Variants in GNA12 observed in about 807,000 individuals in gnomAD.
GNA12 encodes the protein guanine nucleotide-binding protein subunit alpha-12.
Under a neutral mutation model 26.0 loss-of-function variants are expected in GNA12, and 9 were observed. That is an observed-to-expected ratio of 0.35 (90% CI 0.21 to 0.60). The LOEUF (loss-of-function observed/expected upper bound fraction) is 0.60, where lower values mean the gene tolerates loss of function less well. Ranked by LOEUF, GNA12 falls within the 20% of genes least tolerant of loss-of-function variation. The pLI is 0.78. For synonymous variants in GNA12, 264 were observed against 219.6 expected (o/e 1.20, Z -1.79); for missense variants, 405 against 525.8 (o/e 0.77, Z 2.25).
chr7:2,807,455 T>C (rs891905015), intron 1 of GNA12, among the ~76,000 whole-genome samples: 1 of 152,066 alleles, frequency 6.6e-6, no homozygotes, highest in African/African-American at 2.4e-5. Flanking sequence ...ATTTAAAACA[T>C]TTAGCCTGAG....
Position 2,730,345 on chromosome 7 carries a change from AG to A in GNA12, c.*835del, listed in dbSNP as rs1789823441. 6.6e-6 allele frequency: 1 copy of A among 152,346 alleles called. No individual in the cohort carries two copies. The highest frequency in any genetic ancestry group is 2.1e-4 in the South Asian group (1 of 4,828). The allele number at this position is 152,346 out of a possible 1,614,324, so 9.4% of individuals were successfully genotyped here. A position where few individuals can be genotyped will look rare whatever the true frequency, so the allele number is the denominator to read the frequency against. On this transcript the variant is annotated 3_prime_UTR_variant, in exon 4 of 4. Coordinates refer to ENST00000275364, the MANE Select transcript of GNA12 (RefSeq NM_007353.3). ...CGTTGGGTTGGGCAGTGGGTGGCTA[AG>A]GGGAGAAGAGCACCGCTGTGTGTGC...
At chr7:2,757,946 A>G (rs540316984) in intron 2 of GNA12, among the ~76,000 whole-genome samples, 13 of 152,330 alleles carry the variant, frequency 8.5e-5, no homozygotes, top group East Asian at 1.9e-4. Flanking sequence ...AGCAATAATA[A>G]GGAATGATTC....
At chr7:2,789,494 G>T (rs2115448926) in intron 2 of GNA12, among the ~76,000 whole-genome samples, 1 of 152,320 alleles carries the variant, frequency 6.6e-6, no homozygotes, top group Middle Eastern at 3.4e-3. Context: ...ACTCAGATCT[G>T]TGATTTACTG....
At chr7:2,828,457 G>A (rs983526365) in intron 1 of GNA12, among the ~76,000 whole-genome samples, 1 of 152,176 alleles carries the variant, frequency 6.6e-6, no homozygotes, top group African/African-American at 2.4e-5. Context: ...GTGCTCAAGC[G>A]ATCCTCCTGC....
At chr7:2,792,158 G>A (rs139396713) in intron 2 of GNA12, among the ~76,000 whole-genome samples, 67 of 152,316 alleles carry the variant, frequency 4.4e-4, no homozygotes, top group African/African-American at 1.5e-3. Context: ...ACAGGCTCAT[G>A]TTTGGTCTTC....
intron 2 of GNA12, among the ~76,000 whole-genome samples, chr7:2,742,887 G>C (rs1008456881): frequency 6.6e-6 from 1 of 152,212 alleles, no homozygotes; most frequent in African/African-American, 2.4e-5. Flanking sequence ...CTTGTGCCTA[G>C]TCACCCTGCT....
chr7:2,815,742 C>T lies in GNA12; in HGVS notation c.310-20599G>A, dbSNP rs139913071. 4.8e-3 allele frequency among the ~76,000 whole-genome samples: 736 copies of T among 152,324 alleles called. 7 individuals are homozygous for T. The highest frequency in any genetic ancestry group is 0.016 in the African/African-American group (682 of 41,566). ...CCCCGTGTGGCCCCGTGTGCTGTGC[C>T]TCCTGTTTCTACAAATCTGTGAGCA... is the stretch of plus-strand genomic sequence containing the variant. On this transcript the variant is annotated intron_variant, in intron 1 of 3. Transcript: ENST00000275364.
chr7:2,793,006 A>T (rs531223280), intron 2 of GNA12, among the ~76,000 whole-genome samples: 2 of 152,316 alleles, frequency 1.3e-5, no homozygotes, highest in African/African-American at 4.8e-5. Context: ...CCACTGGACA[A>T]TATCACGCAC....
intron 1 of GNA12, 29 bp downstream of exon 1, chr7:2,843,824 G>A: frequency 7.5e-7 from 1 of 1,332,408 alleles, no homozygotes. Context: ...CCACCTGGGT[G>A]CAGGTGCTGG....
chr7:2,769,453 G>A (rs7803944), intron 2 of GNA12, among the ~76,000 whole-genome samples: 21,135 of 151,636 alleles, frequency 0.14, 1,592 homozygotes, highest in Middle Eastern at 0.2. Context: ...CTGGCCGGCT[G>A]GGCACGGTGG....
chr7:2,812,349 G>C (rs1793101034), intron 1 of GNA12, among the ~76,000 whole-genome samples: 1 of 152,208 alleles, frequency 6.6e-6, no homozygotes, highest in African/African-American at 2.4e-5. Context: ...GGCTTTGTAG[G>C]CTGGGTGCGG....
intron 2 of GNA12, among the ~76,000 whole-genome samples, chr7:2,770,836 AG>A (rs1196300567): frequency 6.6e-6 from 1 of 152,198 alleles, no homozygotes; most frequent in East Asian, 1.9e-4. Flanking sequence ...TGTATACCAT[AG>A]GAATACTGGC....
intron 2 of GNA12, among the ~76,000 whole-genome samples, chr7:2,794,307 G>A (rs573530690): frequency 1.3e-5 from 2 of 151,910 alleles, no homozygotes; most frequent in African/African-American, 4.8e-5. Context: ...TATCAGCTGT[G>A]CACATTTATG....
chr7:2,783,536 C>T (rs1792281293), intron 2 of GNA12, among the ~76,000 whole-genome samples: 1 of 152,066 alleles, frequency 6.6e-6, no homozygotes, highest in African/African-American at 2.4e-5. Context: ...ACTTCGGGAC[C>T]CCCAAAAGAT....
At chr7:2,829,328 C>G (rs902071487) in intron 1 of GNA12, among the ~76,000 whole-genome samples, 1 of 152,170 alleles carries the variant, frequency 6.6e-6, no homozygotes, top group Non-Finnish European at 1.5e-5. Flanking sequence ...TCTTTAAACA[C>G]TGAGGTTTAG....
rs1296866163 is a variant in GNA12 at position 2,728,654 on chromosome 7, T to C, written c.*2527A>G. ...TCTTAATAAAAAAGACAATAAGGATTAACAGTGAAATTAAAATTAAAAAAT... is the reference window on the plus strand; with the variant it reads ...TCTTAATAAAAAAGACAATAAGGATCAACAGTGAAATTAAAATTAAAAAAT... On this transcript the variant is annotated 3_prime_UTR_variant, in exon 4 of 4. Coordinates refer to ENST00000275364, the MANE Select transcript of GNA12 (RefSeq NM_007353.3). 1.3e-5 allele frequency: 2 copies of C among 152,500 alleles called. No individual in the cohort carries two copies. Among genetic ancestry groups the C allele is most frequent in the African/African-American group, 4.8e-5 (2 of 41,448 alleles). The allele number at this position is 152,500 out of a possible 1,614,324, so 9.4% of individuals were successfully genotyped here.
chr7:2,814,839 C>T (rs1291373261), intron 1 of GNA12: 3 of 1,585,916 alleles, frequency 1.9e-6, no homozygotes, highest in Non-Finnish European at 2.6e-6. Context: ...CCCGACAGCA[C>T]CGGGTGTGCA....
chr7:2,827,691 C>A (rs2114969621), intron 1 of GNA12, among the ~76,000 whole-genome samples: 1 of 152,236 alleles, frequency 6.6e-6, no homozygotes, highest in Non-Finnish European at 1.5e-5. Context: ...ATGGCAGGAC[C>A]AATGTCAGAA....
intron 1 of GNA12, among the ~76,000 whole-genome samples, chr7:2,821,627 A>C (rs530018323): frequency 1.3e-5 from 2 of 152,210 alleles, no homozygotes; most frequent in Non-Finnish European, 1.5e-5. Flanking sequence ...AAACTCCTGC[A>C]GTTATTCTAT....
Sources: gnomAD v4.1 joint callset for allele counts (sites outside exome capture counted in the v4.1 genomes callset) on GRCh38, gnomAD v4.1.1 for gene constraint, MANE v1.5 for transcripts, NCBI Gene and HGNC (gene_info 2026-07-23, HGNC 2026-07-21) for gene names.